Variants in OPALIN observed in about 807,000 individuals in gnomAD.
OPALIN encodes the protein oligodendrocytic myelin paranodal and inner loop protein.
OPALIN carries 15 observed loss-of-function variants against 17.8 expected under a neutral mutation model. The observed-to-expected ratio is 0.84, with a 90% CI of 0.56 to 1.29. The LOEUF (loss-of-function observed/expected upper bound fraction) is 1.29. OPALIN is among the 50% of genes most tolerant of loss of function. The pLI is 0.00. For synonymous variants in OPALIN, 62 were observed against 63.8 expected (o/e 0.97, Z 0.14); for missense variants, 170 against 176.0 (o/e 0.97, Z 0.19).
intron 1 of OPALIN, among the ~76,000 whole-genome samples, chr10:96,356,742 T>C (rs561862498): frequency 6.6e-6 from 1 of 152,322 alleles, no homozygotes; most frequent in Admixed American, 6.5e-5. Flanking sequence ...CCAAATATTA[T>C]GTCCTTCAAT....
At chr10:96,350,070 A>G (rs1468023944) in intron 3 of OPALIN, among the ~76,000 whole-genome samples, 1 of 152,240 alleles carries the variant, frequency 6.6e-6, no homozygotes, top group Admixed American at 6.5e-5. Context: ...CAAGTAGAAA[A>G]ATGGGCAAAG....
intron 1 of OPALIN, among the ~76,000 whole-genome samples, chr10:96,357,652 C>T (rs553517236): frequency 3.3e-5 from 5 of 152,266 alleles, no homozygotes; most frequent in Admixed American, 6.5e-5. Flanking sequence ...AAGGGAATAC[C>T]GTAATGTCAT....
rs191161498 is a variant in OPALIN, at chr10:96,345,749, G to A, written c.*192C>T. 36 of 559,476 alleles carry A rather than the reference G, an allele frequency of 6.4e-5. No homozygotes were observed. In the East Asian group the frequency reaches 1.0e-3, roughly 16 times the overall value. The allele number at this position is 559,476 out of a possible 1,614,324, so 34.7% of individuals were successfully genotyped here. On this transcript the variant is annotated 3_prime_UTR_variant, in exon 6 of 6. Coordinates refer to ENST00000371172, the MANE Select transcript of OPALIN (RefSeq NM_033207.5). Reference sequence around the variant, plus strand: ...GTCACATGTACTAACTAAAGCACAAGATCTGAGAGTTGGAATTAACCATGT... The same window carrying A: ...GTCACATGTACTAACTAAAGCACAAAATCTGAGAGTTGGAATTAACCATGT...
intron 1 of OPALIN, among the ~76,000 whole-genome samples, chr10:96,357,426 C>T (rs1214102798): frequency 4.6e-5 from 7 of 152,156 alleles, no homozygotes; most frequent in Non-Finnish European, 1.5e-5. Context: ...TGATGCAGTG[C>T]CCTTCAGAGA....
At chr10:96,355,428 C>T in intron 1 of OPALIN, 138 bp from the exon 2 acceptor site, 3 of 658,796 alleles carry the variant, frequency 4.6e-6, no homozygotes, top group South Asian at 2.0e-5. Flanking sequence ...TCGTCCTGCA[C>T]AGTCTTGGCC....
At chr10:96,356,910 C>T (rs915135511) in intron 1 of OPALIN, 3 of 985,272 alleles carry the variant, frequency 3.0e-6, no homozygotes, top group Non-Finnish European at 3.6e-6. Context: ...TCACCAGAAC[C>T]TGAGTGTCCC....
intron 4 of OPALIN, among the ~76,000 whole-genome samples, 185 bp from the exon 5 acceptor site, chr10:96,348,530 C>A (rs1333948404): frequency 1.3e-5 from 2 of 152,008 alleles, no homozygotes; most frequent in South Asian, 2.1e-4. Flanking sequence ...CATACCTAAG[C>A]CAAGAAATAT....
At chr10:96,348,025 C>T (rs908124921) in intron 5 of OPALIN, among the ~76,000 whole-genome samples, 2 of 152,118 alleles carry the variant, frequency 1.3e-5, no homozygotes, top group Non-Finnish European at 2.9e-5. Context: ...CTTTCTTCCC[C>T]TATTGAGATG....
rs201676576 is a variant in OPALIN, at chr10:96,352,903, CT to C, written c.40-1494del. 1.4e-3 allele frequency among the ~76,000 whole-genome samples: 214 copies of C among 152,314 alleles called. 3 individuals carry two copies. In the East Asian group the frequency reaches 0.038, roughly 27 times the overall value. On this transcript the variant is annotated intron_variant, in intron 2 of 5. Transcript: ENST00000371172. ...GCTTCTCTCTTTCTCTCCAGATGGA[CT>C]TTTCTGCCCTCATAAACTCCTGCTA...
intron 3 of OPALIN, among the ~76,000 whole-genome samples, chr10:96,350,956 A>G (rs1375712171): frequency 6.6e-6 from 1 of 152,202 alleles, no homozygotes; most frequent in East Asian, 1.9e-4. Context: ...TCACAAATAT[A>G]TAAGTGGATG....
rs750903544 is a variant in OPALIN, at chr10:96,355,263, C to T, written c.31G>A (p.Ala11Thr). 5.6e-6 allele frequency: 9 copies of T among 1,613,864 alleles called. No homozygotes were observed. The highest frequency in any genetic ancestry group is 1.7e-5 in the Admixed American group (1 of 59,988). Residue 11 changes from alanine (A) to threonine (T), a missense_variant, in exon 2 of 6, where the codon GCG (alanine) becomes ACG (threonine). Ala to Thr is a moderately conservative substitution (Grantham distance 58). Transcript: ENST00000371172. MSFSLNFTLP[A>T]NTTSSPVTGG... ...GGGGCTGCTGTACTTACTGTGTTCGCCGGCAGGGTGAAGTTCAGTGAAAAA... is the reference window on the plus strand; with the variant it reads ...GGGGCTGCTGTACTTACTGTGTTCGTCGGCAGGGTGAAGTTCAGTGAAAAA...
Position 96,343,255 on chromosome 10 carries a change from T to G in OPALIN, c.*2686A>C, listed in dbSNP as rs1019776044. On this transcript the variant is annotated 3_prime_UTR_variant, in exon 6 of 6. Transcript: ENST00000371172. ...AAGAATGGCCATTTTACTTTTCACT[T>G]CATTCCAACATAAGTTCTTGTGTAT... 14 of 152,272 alleles carry G rather than the reference T, an allele frequency of 9.2e-5. No homozygotes were observed. Among genetic ancestry groups the G allele is most frequent in the Non-Finnish European group, 1.5e-5 (1 of 68,046 alleles). The allele number at this position is 152,272 out of a possible 1,614,324, so 9.4% of individuals were successfully genotyped here. A position where few individuals can be genotyped will look rare whatever the true frequency, so the allele number is the denominator to read the frequency against.
chr10:96,345,743 G>T lies in OPALIN; in HGVS notation c.*198C>A. 1.8e-6 allele frequency: 1 copy of T among 547,206 alleles called. No individual in the cohort carries two copies. Among genetic ancestry groups the T allele is most frequent in the East Asian group, 2.9e-5 (1 of 34,510 alleles). 33.9% of individuals were successfully genotyped at this position (547,206 alleles called of 1,614,324 possible). A position where few individuals can be genotyped will look rare whatever the true frequency, so the allele number is the denominator to read the frequency against. On this transcript the variant is annotated 3_prime_UTR_variant, in exon 6 of 6. Coordinates refer to ENST00000371172, the MANE Select transcript of OPALIN (RefSeq NM_033207.5). ...TGGTGAGTCACATGTACTAACTAAA[G>T]CACAAGATCTGAGAGTTGGAATTAA...
intron 2 of OPALIN, 70 bp downstream of exon 2, chr10:96,355,185 T>C: frequency 7.7e-7 from 1 of 1,299,652 alleles, no homozygotes; most frequent in Non-Finnish European, 1.1e-6. Context: ...ATGTGAGTTC[T>C]GGAGACCTAC....
At chr10:96,347,763 G>A (rs1447807540) in intron 5 of OPALIN, among the ~76,000 whole-genome samples, 3 of 152,174 alleles carry the variant, frequency 2.0e-5, no homozygotes, top group Non-Finnish European at 4.4e-5. Context: ...GTGAGCCACT[G>A]CACCGGACCT....
Position 96,346,098 on chromosome 10 carries a change from G to C in OPALIN, c.269C>G (p.Thr90Arg). 1 of 1,613,862 alleles carries C rather than the reference G, an allele frequency of 6.2e-7. No individual in the cohort carries two copies. The highest frequency in any genetic ancestry group is 1.7e-5 in the Admixed American group (1 of 59,996). ...TGCTCCCATCGTATTCTTCTCATGT[G>C]TGGGTGATCTCCTAGGATTCTTAAG... ...KISENPRRSP[T>R]HEKNTMGAQE... Residue 90 changes from threonine to arginine, a missense_variant, in exon 6 of 6, where the codon ACA becomes AGA. Coordinates refer to ENST00000371172, the MANE Select transcript of OPALIN (RefSeq NM_033207.5).
chr10:96,358,834 G>A, intron 1 of OPALIN, 60 bp downstream of exon 1: 1 of 1,557,030 alleles, frequency 6.4e-7, no homozygotes, highest in Non-Finnish European at 8.9e-7. Flanking sequence ...ATTGAATTTG[G>A]AGGTTTTTTA....
At position 96,349,806 on chromosome 10, in the gene OPALIN, T is replaced by C; in HGVS notation, c.93A>G (p.Gly31=). ...CCAGCAATGGTATGCCCGCCGCTAA[T>C]CCAAGAGAGGGCCCACAGTCCTGGC... The part of the protein sequence containing the change: ...GKETDCGPSL[G]LAAGIPLLVA... The change falls in exon 4 of 6, where the codon GGA becomes GGG. Residue 31 remains glycine, a synonymous_variant. Coordinates refer to ENST00000371172, the MANE Select transcript of OPALIN (RefSeq NM_033207.5). 6.2e-7 allele frequency: 1 copy of C among 1,613,622 alleles called. No individual in the cohort carries two copies. The highest frequency in any genetic ancestry group is 1.3e-5 in the African/African-American group (1 of 74,962).
chr10:96,356,118 G>A (rs1845808752), intron 1 of OPALIN, among the ~76,000 whole-genome samples: 1 of 152,116 alleles, frequency 6.6e-6, no homozygotes, highest in East Asian at 1.9e-4. Flanking sequence ...TCTTTCCCTG[G>A]GTGGAAGTGG....
Sources: allele counts gnomAD v4.1 joint callset (sites outside exome capture counted in the v4.1 genomes callset), GRCh38; gene constraint gnomAD v4.1.1; transcripts MANE v1.5; gene names NCBI Gene and HGNC (gene_info 2026-07-23, HGNC 2026-07-21).